The following SPATS2 variants were observed in gnomAD, a reference collection of about 807,000 sequenced individuals.
The protein encoded by SPATS2 is spermatogenesis-associated serine-rich protein 2.
A neutral mutation model predicts 63.7 loss-of-function variants in SPATS2; 38 were observed. That is an observed-to-expected ratio of 0.60 (90% CI 0.46 to 0.78). The LOEUF is 0.78. Among genes scored for constraint, SPATS2 ranks in the 30% least tolerant of loss-of-function variants. The pLI, the probability that SPATS2 is intolerant of heterozygous loss-of-function variation, is 0.00. For missense variants in SPATS2, 588 were observed against 666.2 expected (o/e 0.88, Z 1.29); for synonymous variants, 207 against 232.9 (o/e 0.89, Z 1.01).
intron 2 of SPATS2, among the ~76,000 whole-genome samples, chr12:49,412,616 C>T (rs940427339): frequency 4.0e-5 from 6 of 151,876 alleles, no homozygotes; most frequent in African/African-American, 1.5e-4. Context: ...CATGGTGGCT[C>T]ATTCCTGTAA....
intron 9 of SPATS2, among the ~76,000 whole-genome samples, chr12:49,514,237 T>TA (rs5798109): frequency 0.23 from 35,067 of 151,984 alleles, 6,863 homozygotes; most frequent in African/African-American, 0.54. Flanking sequence ...CACAGCTTAC[T>TA]AAAAAATGTG....
intron 2 of SPATS2, among the ~76,000 whole-genome samples, chr12:49,404,073 TATC>T (rs1396781533): frequency 6.6e-6 from 1 of 152,194 alleles, no homozygotes; most frequent in African/African-American, 2.4e-5. Flanking sequence ...ATGCTAGAGA[TATC>T]ATGTTGAGCA....
chr12:49,513,210 A>AGTGTGTGTGT (rs71860115), intron 9 of SPATS2, among the ~76,000 whole-genome samples: 29 of 148,124 alleles, frequency 2.0e-4, no homozygotes, highest in African/African-American at 5.2e-4. Context: ...AGAGAGAAAG[A>AGTGTGTGTGT]GTGTGTGTGT....
chr12:49,523,795 A>C (rs1169009117), intron 12 of SPATS2, among the ~76,000 whole-genome samples: 2 of 152,080 alleles, frequency 1.3e-5, no homozygotes, highest in Non-Finnish European at 2.9e-5. Context: ...ACTAAAAAAT[A>C]CAAAAAATTA....
At chr12:49,467,606 A>G (rs1340720201) in intron 3 of SPATS2, among the ~76,000 whole-genome samples, 1 of 152,092 alleles carries the variant, frequency 6.6e-6, no homozygotes, top group African/African-American at 2.4e-5. Flanking sequence ...GTCAGATGAT[A>G]TTTTTCTCCT....
chr12:49,513,801 T>C (rs1256868762), intron 9 of SPATS2, among the ~76,000 whole-genome samples: 2 of 152,232 alleles, frequency 1.3e-5, no homozygotes, highest in Non-Finnish European at 2.9e-5. Context: ...GGGATATTGC[T>C]TGGTAAAAAT....
At position 49,519,427 on chromosome 12, in the gene SPATS2, A is replaced by G. The variant is rs115279381; in HGVS notation, c.1008+245A>G. 7.6e-3 allele frequency among the ~76,000 whole-genome samples: 1,159 copies of G among 152,180 alleles called. 10 individuals carry two copies. Among genetic ancestry groups the G allele is most frequent in the African/African-American group, 0.026 (1,080 of 41,528 alleles). On this transcript the variant is annotated intron_variant, in intron 11 of 13. Coordinates refer to ENST00000552918, the MANE Select transcript of SPATS2 (RefSeq NM_023071.4). ...GTCAGCACACTCCATCCATTTGACT[A>G]AATCTCAGATCTGACCTTATCTCTT...
chr12:49,513,312 A>C (rs1946783917), intron 9 of SPATS2, among the ~76,000 whole-genome samples: 1 of 152,172 alleles, frequency 6.6e-6, no homozygotes, highest in African/African-American at 2.4e-5. Flanking sequence ...CAAAAGGAGA[A>C]ATCAGAATGA....
At chr12:49,497,953 G>C (rs1946491719) in intron 8 of SPATS2, among the ~76,000 whole-genome samples, 1 of 151,728 alleles carries the variant, frequency 6.6e-6, no homozygotes, top group African/African-American at 2.4e-5. Context: ...AAGCATGGTG[G>C]TCCACTCCAC....
Position 49,524,706 on chromosome 12 carries a change from C to T in SPATS2, c.1136C>T (p.Ser379Leu), listed in dbSNP as rs773366687. 22 of 1,614,034 alleles carry T rather than the reference C, an allele frequency of 1.4e-5. No individual in the cohort carries two copies. The highest frequency in any genetic ancestry group is 2.7e-5 in the African/African-American group (2 of 74,914). The change falls in exon 13 of 14, where the codon TCG becomes TTG. Residue 379 changes from serine to leucine, a missense_variant. Transcript: ENST00000552918. ...GQVSHPKNSYSTRSRCSSVTS... is the reference protein window; with the variant it reads ...GQVSHPKNSYLTRSRCSSVTS... ...GTGTCTCATCCAAAGAACAGCTATTCGACCAGATCCCGATGTAGCTCAGTT... is the reference window on the plus strand; with the variant it reads ...GTGTCTCATCCAAAGAACAGCTATTTGACCAGATCCCGATGTAGCTCAGTT...
At chr12:49,442,497 T>G (rs544821675) in intron 2 of SPATS2, 8 of 155,016 alleles carry the variant, frequency 5.2e-5, no homozygotes, top group Admixed American at 3.3e-4. Flanking sequence ...CAGGTAAATC[T>G]TAGTTTCTTG....
Position 49,410,076 on chromosome 12 carries a change from TTTG to T in SPATS2, c.-244+38798_-244+38800del, listed in dbSNP as rs1345053718. 8.6e-5 allele frequency among the ~76,000 whole-genome samples: 13 copies of T among 151,936 alleles called. No individual in the cohort carries two copies. The South Asian group carries it at 1.5e-3, about 17-fold the overall frequency. ...AAGTTTTGTTCAATACATGTTTTTT[TTTG>T]TTGTTGTTGTTTTTGAGATGGAGTC... On this transcript the variant is annotated intron_variant, in intron 2 of 13. Coordinates refer to ENST00000552918, the MANE Select transcript of SPATS2 (RefSeq NM_023071.4).
intron 3 of SPATS2, among the ~76,000 whole-genome samples, chr12:49,481,798 GA>G (rs1288704780): frequency 2.0e-5 from 3 of 151,898 alleles, no homozygotes; most frequent in African/African-American, 7.3e-5. Flanking sequence ...TCTTGCCTGA[GA>G]ATTTTTTTTT....
intron 3 of SPATS2, among the ~76,000 whole-genome samples, chr12:49,466,213 G>C (rs1004853738): frequency 6.6e-6 from 1 of 151,870 alleles, no homozygotes; most frequent in Non-Finnish European, 1.5e-5. Flanking sequence ...ACCCAGGCTG[G>C]AGTACAGTGG....
At chr12:49,407,974 C>T (rs568552623) in intron 2 of SPATS2, among the ~76,000 whole-genome samples, 3 of 152,272 alleles carry the variant, frequency 2.0e-5, no homozygotes, top group African/African-American at 7.2e-5. Flanking sequence ...TTTGTGGACT[C>T]CTTGGCTAGC....
intron 2 of SPATS2, among the ~76,000 whole-genome samples, chr12:49,456,402 G>A (rs1318975986): frequency 6.6e-6 from 1 of 152,234 alleles, no homozygotes; most frequent in Non-Finnish European, 1.5e-5. Context: ...TAAAAGGGAT[G>A]ATAAAGAGGC....
chr12:49,481,085 A>G (rs1946197693), intron 3 of SPATS2, among the ~76,000 whole-genome samples: 1 of 152,232 alleles, frequency 6.6e-6, no homozygotes, highest in Non-Finnish European at 1.5e-5. Flanking sequence ...TAGTATTTAC[A>G]AATATGTCAT....
intron 2 of SPATS2, among the ~76,000 whole-genome samples, chr12:49,399,240 G>T (rs937108912): frequency 6.6e-6 from 1 of 151,856 alleles, no homozygotes; most frequent in Non-Finnish European, 1.5e-5. Context: ...GTTTTGTAAA[G>T]CTTGTTTTAA....
At chr12:49,390,260 T>C in intron 2 of SPATS2, 1 of 705,046 alleles carries the variant, frequency 1.4e-6, no homozygotes, top group Non-Finnish European at 2.3e-6. Flanking sequence ...TATTTTTTTC[T>C]CTTTAAATAT....
Sources: gnomAD v4.1 joint callset for allele counts (sites outside exome capture counted in the v4.1 genomes callset) on GRCh38, gnomAD v4.1.1 for gene constraint, MANE v1.5 for transcripts, NCBI Gene and HGNC (gene_info 2026-07-23, HGNC 2026-07-21) for gene names.